AATK: variants seen among roughly 807,000 people sequenced by gnomAD.
The protein encoded by AATK is serine/threonine-protein kinase LMTK1.
A neutral mutation model predicts 114.3 loss-of-function variants in AATK; 91 were observed. The ratio of observed to expected loss-of-function variants is 0.80; its 90% CI spans 0.67 to 0.95. The LOEUF (loss-of-function observed/expected upper bound fraction) is 0.95, where lower values mean the gene tolerates loss of function less well. Among genes scored for constraint, AATK ranks in the 40% least tolerant of loss-of-function variants. The pLI, the probability that AATK is intolerant of heterozygous loss-of-function variation, is 0.00. For synonymous variants in AATK, 1,075 were observed against 916.5 expected (o/e 1.17, Z -3.12); for missense variants, 2,176 against 1,965.2 (o/e 1.11, Z -2.03).
intron 2 of AATK, chr17:81,133,282 C>G: frequency 2.2e-6 from 1 of 461,136 alleles, no homozygotes; most frequent in South Asian, 1.6e-5. Flanking sequence ...ACATCCAGCA[C>G]CGTCACCTGC....
rs540245594 is a variant in AATK at position 81,120,331 on chromosome 17, T to C, written c.3605A>G (p.Gln1202Arg). The C allele has an allele frequency of 6.8e-6, 11 of 1,610,676 alleles. No individual in the cohort carries two copies. The South Asian group carries it at 1.2e-4, about 18-fold the overall frequency. The change falls in exon 11 of 14, where the codon CAG (glutamine) becomes CGG (arginine). Residue 1202 changes from glutamine to arginine, a missense_variant. Physicochemically the swap from Gln to Arg is conservative, Grantham distance 43 (BLOSUM62 1). Transcript: ENST00000326724. ...CAGGCTGCGCAGGTTGCGCGCGCTC[T>C]GGCTCTCAGCCACCACCACGGGCAC... ...PAVPVVVAES[Q>R]SARNLRSLLK...
chr17:81,131,579 A>G (rs531529566), intron 2 of AATK, among the ~76,000 whole-genome samples: 1 of 152,110 alleles, frequency 6.6e-6, no homozygotes, highest in East Asian at 1.9e-4. Context: ...GCCCAGGCTG[A>G]GCCCCACCTT....
intron 1 of AATK, among the ~76,000 whole-genome samples, chr17:81,141,203 C>A (rs901091633): frequency 6.6e-6 from 1 of 152,176 alleles, no homozygotes; most frequent in African/African-American, 2.4e-5. Context: ...GTAATCCCAC[C>A]ACTTGGGAGG....
At chr17:81,142,777 C>T (rs1598953643) in intron 1 of AATK, among the ~76,000 whole-genome samples, 3 of 152,218 alleles carry the variant, frequency 2.0e-5, no homozygotes, top group African/African-American at 7.2e-5. Flanking sequence ...CCAGCCCCAC[C>T]CCCGCCCCAG....
At chr17:81,138,022 G>A (rs888460173) in intron 1 of AATK, among the ~76,000 whole-genome samples, 8 of 136,610 alleles carry the variant, frequency 5.9e-5, no homozygotes, top group African/African-American at 2.2e-4. Context: ...GCACCCACAT[G>A]CACGCAAACC....
chr17:81,137,257 T>TAAA lies in AATK; in HGVS notation c.56-2759_56-2757dup, dbSNP rs57760563. On this transcript the variant is annotated intron_variant, in intron 1 of 13. Coordinates refer to ENST00000326724, the MANE Select transcript of AATK (RefSeq NM_001080395.3). Reference sequence around the variant, plus strand: ...TGGGTGACAGAGTAAGACTCCGCCTTAAAAAAAAAAAAAAAAGGAATTACT... The same window carrying TAAA: ...TGGGTGACAGAGTAAGACTCCGCCTTAAAAAAAAAAAAAAAAAAAGGAATTACT... 5.0e-3 allele frequency among the ~76,000 whole-genome samples: 668 copies of TAAA among 132,936 alleles called. 3 individuals carry two copies. The highest frequency in any genetic ancestry group is 8.0e-3 in the African/African-American group (288 of 35,808). The allele number at this position is 132,936 out of a possible 152,430, so 87.2% of individuals were successfully genotyped here. A position where few individuals can be genotyped will look rare whatever the true frequency, so the allele number is the denominator to read the frequency against.
chr17:81,162,238 C>G (rs1431285383), intron 1 of AATK, among the ~76,000 whole-genome samples: 4 of 152,118 alleles, frequency 2.6e-5, no homozygotes, highest in Non-Finnish European at 5.9e-5. Context: ...AAGAACCCAC[C>G]TCGGCCTGCA....
chr17:81,118,558 C>G (rs1258743358), intron 13 of AATK, 116 bp from the exon 14 acceptor site: 1 of 1,073,930 alleles, frequency 9.3e-7, no homozygotes, highest in Non-Finnish European at 1.4e-6. Flanking sequence ...CCCTTCCCTG[C>G]AGCAGATCTG....
chr17:81,163,089 C>T (rs186290184), intron 1 of AATK, among the ~76,000 whole-genome samples: 99 of 152,294 alleles, frequency 6.5e-4, no homozygotes, highest in Admixed American at 2.9e-3. Context: ...CCAGAGGTGG[C>T]CCCAGGGCAA....
chr17:81,127,050 G>A (rs1054968378), intron 6 of AATK, among the ~76,000 whole-genome samples: 2 of 150,330 alleles, frequency 1.3e-5, no homozygotes, highest in Non-Finnish European at 1.5e-5. Context: ...ATATGTGGAA[G>A]GGGGTGGGGG....
chr17:81,157,225 A>G (rs2061377471), intron 1 of AATK, among the ~76,000 whole-genome samples: 1 of 152,162 alleles, frequency 6.6e-6, no homozygotes, highest in African/African-American at 2.4e-5. Context: ...GGTTATTTTT[A>G]GGAGAGGCCA....
chr17:81,134,399 A>G lies in AATK; in HGVS notation c.158T>C (p.Leu53Pro). ...FAVIVLMLAC[L>P]CCKKGGIGFK... ...CCCGATACCGCCCTTCTTACAGCAC[A>G]GGCAGGCCAGCATGAGGACGATGAC... The change falls in exon 2 of 14, where the codon CTG becomes CCG. Residue 53 changes from leucine to proline, a missense_variant. Leu to Pro is a moderately conservative substitution (Grantham distance 98, BLOSUM62 -3). This residue lies in a region of AATK where 178 missense variants were observed against 175.4 expected (regional missense o/e 1.01). Coordinates refer to ENST00000326724, the MANE Select transcript of AATK (RefSeq NM_001080395.3). The G allele has an allele frequency of 6.2e-7, 1 of 1,613,272 alleles. No individual in the cohort carries two copies. The highest frequency in any genetic ancestry group is 8.5e-7 in the Non-Finnish European group (1 of 1,179,802).
At chr17:81,130,142 G>A (rs1050050375) in intron 3 of AATK, among the ~76,000 whole-genome samples, 7 of 152,232 alleles carry the variant, frequency 4.6e-5, no homozygotes, top group Non-Finnish European at 8.8e-5. Context: ...GCATGGCACC[G>A]CAGTAACAGG....
At position 81,121,918 on chromosome 17, in the gene AATK, G is replaced by C. The variant is rs764044234; in HGVS notation, c.2018C>G (p.Ala673Gly). ...GTTGGAGCGCCAGTGCCCGCGCTGG[G>C]CGGCCCTCCGCGCTCCCACCTCCTC... Reference protein sequence around the residue: ...ELEEVGARRAAQRGHWRSNVS... With the variant: ...ELEEVGARRAGQRGHWRSNVS... Residue 673 changes from alanine to glycine, a missense_variant, in exon 11 of 14, where the codon GCC (alanine) becomes GGC (glycine). Physicochemically the swap from Ala to Gly is moderately conservative, Grantham distance 60 (BLOSUM62 0). This residue lies in a region of AATK where 1,701 missense variants were observed against 1,394.7 expected (regional missense o/e 1.22). Coordinates refer to ENST00000326724, the MANE Select transcript of AATK (RefSeq NM_001080395.3). The C allele has an allele frequency of 4.9e-5, 79 of 1,600,338 alleles. No homozygotes were observed. Among genetic ancestry groups the C allele is most frequent in the Non-Finnish European group, 6.4e-5 (76 of 1,178,568 alleles).
chr17:81,135,214 C>T (rs536028485), intron 1 of AATK, among the ~76,000 whole-genome samples: 65 of 152,342 alleles, frequency 4.3e-4, no homozygotes, highest in Non-Finnish European at 7.1e-4. Context: ...CTCCCAACTT[C>T]GGAGTATTGA....
rs183749200 is a variant in AATK, at chr17:81,133,551, C to T, written c.189+817G>A. Among the ~76,000 whole-genome samples the T allele has an allele frequency of 3.6e-3, 554 of 152,312 alleles. 4 individuals carry two copies. Among genetic ancestry groups the T allele is most frequent in the African/African-American group, 0.012 (506 of 41,566 alleles). Reference sequence around the variant, plus strand: ...CTGGCCCAGGGGTGGGGCTGACCCCCGTGGGCGTGTGAACCACCAGAGGTC... The same window carrying T: ...CTGGCCCAGGGGTGGGGCTGACCCCTGTGGGCGTGTGAACCACCAGAGGTC... On this transcript the variant is annotated intron_variant, in intron 2 of 13. Transcript: ENST00000326724.
chr17:81,135,217 A>C (rs1003145579), intron 1 of AATK, among the ~76,000 whole-genome samples: 2 of 152,080 alleles, frequency 1.3e-5, no homozygotes, highest in African/African-American at 2.4e-5. Flanking sequence ...CCAACTTCGG[A>C]GTATTGAGCT....
Position 81,120,553 on chromosome 17 carries a change from G to A in AATK, c.3383C>T (p.Ala1128Val). ...TGGGCCCCCCATCCGCTTTTGTGGGGCCGGCCCTGACAACAGTCCTGGGGG... is the reference window on the plus strand; with the variant it reads ...TGGGCCCCCCATCCGCTTTTGTGGGACCGGCCCTGACAACAGTCCTGGGGG... ...QGPPGLLSGP[A>V]PQKRMGGPGT... The change falls in exon 11 of 14, where the codon GCC (alanine) becomes GTC (valine). Residue 1128 changes from alanine to valine, a missense_variant. Transcript: ENST00000326724. The A allele has an allele frequency of 6.0e-6, 9 of 1,502,332 alleles. No individual in the cohort carries two copies. Among genetic ancestry groups the A allele is most frequent in the Non-Finnish European group, 8.0e-6 (9 of 1,125,136 alleles). The allele number at this position is 1,502,332 out of a possible 1,614,324, so 93.1% of individuals were successfully genotyped here.
chr17:81,128,369 G>T (rs2060879330), intron 4 of AATK, 101 bp downstream of exon 4: 3 of 1,391,858 alleles, frequency 2.2e-6, no homozygotes, highest in Admixed American at 2.0e-5. Context: ...CTGAAGAAGG[G>T]ACCGTCGGGG....
Sources: allele counts gnomAD v4.1 joint callset (sites outside exome capture counted in the v4.1 genomes callset), GRCh38; gene constraint gnomAD v4.1.1; regional missense constraint gnomAD v4.1.1; transcripts MANE v1.5; gene names NCBI Gene and HGNC (gene_info 2026-07-23, HGNC 2026-07-21).